The following PDE7A variants were observed in gnomAD, a reference collection of about 807,000 sequenced individuals.
PDE7A encodes the protein phosphodiesterase 7A.
PDE7A carries 39 observed loss-of-function variants against 64.3 expected under a neutral mutation model. The observed-to-expected ratio is 0.61, with a 90% CI of 0.47 to 0.79. The LOEUF (loss-of-function observed/expected upper bound fraction) is 0.79, where lower values mean the gene tolerates loss of function less well. PDE7A is among the 30% of genes least tolerant of loss of function. PDE7A has a pLI of 0.00. For synonymous variants in PDE7A, 203 were observed against 206.8 expected (o/e 0.98, Z 0.16); for missense variants, 470 against 582.8 (o/e 0.81, Z 1.99).
At chr8:65,721,633 A>C (rs1806380438) in intron 12 of PDE7A, among the ~76,000 whole-genome samples, 1 of 152,134 alleles carries the variant, frequency 6.6e-6, no homozygotes, top group Admixed American at 6.6e-5. Flanking sequence ...AGTGAAAGGG[A>C]TCTAGCTTCT....
At chr8:65,764,851 TAC>T (rs991462540) in intron 3 of PDE7A, among the ~76,000 whole-genome samples, 1 of 152,194 alleles carries the variant, frequency 6.6e-6, no homozygotes, top group Non-Finnish European at 1.5e-5. Flanking sequence ...TATGCTTTCA[TAC>T]AGTCATTGTA....
intron 1 of PDE7A, among the ~76,000 whole-genome samples, chr8:65,785,579 T>G (rs1809531262): frequency 2.0e-5 from 3 of 152,112 alleles, no homozygotes; most frequent in Admixed American, 2.0e-4. Flanking sequence ...CATATTTAGC[T>G]TACTAGATTA....
Position 65,832,945 on chromosome 8 carries a change from C to A in PDE7A, c.138+8426G>T, listed in dbSNP as rs1431585822. The stretch of plus-strand genomic sequence containing the variant: ...AAGGAAGTAGAAGAGAGTACACAGG[C>A]TTTAGAGTCAGCATGACCTAGAGTT... On this transcript the variant is annotated intron_variant, in intron 1 of 12. Coordinates refer to ENST00000401827, the MANE Select transcript of PDE7A (RefSeq NM_001242318.3). Among the ~76,000 whole-genome samples the A allele has an allele frequency of 3.3e-5, 5 of 152,280 alleles. No individual in the cohort carries two copies. In the East Asian group the frequency reaches 9.6e-4, roughly 29 times the overall value.
At chr8:65,828,546 C>T (rs930979376) in intron 1 of PDE7A, among the ~76,000 whole-genome samples, 1 of 152,026 alleles carries the variant, frequency 6.6e-6, no homozygotes, top group Admixed American at 6.6e-5. Flanking sequence ...CAAATTGTTA[C>T]CAAAAACCTG....
At chr8:65,773,648 C>T (rs1809174681) in intron 3 of PDE7A, among the ~76,000 whole-genome samples, 1 of 152,134 alleles carries the variant, frequency 6.6e-6, no homozygotes, top group Admixed American at 6.5e-5. Flanking sequence ...ACCCATTTAT[C>T]TTTATTACTA....
At chr8:65,798,206 A>ATATATATATATATTT in intron 1 of PDE7A, among the ~76,000 whole-genome samples, 43 of 73,796 alleles carry the variant, frequency 5.8e-4, no homozygotes, top group African/African-American at 2.1e-3. Flanking sequence ...ATATATATAT[A>ATATATATATATATTT]TTTTTTTTTT....
Position 65,758,377 on chromosome 8 carries a change from G to A in PDE7A, c.284-10574C>T, listed in dbSNP as rs534964254. ...TAGGACTACTGTATCAGGTAAGGGG[G>A]AAAAAATGTTTTTAGGTGATTTGGG... On this transcript the variant is annotated intron_variant, in intron 3 of 12. Coordinates refer to ENST00000401827, the MANE Select transcript of PDE7A (RefSeq NM_001242318.3). 2.1e-4 allele frequency among the ~76,000 whole-genome samples: 32 copies of A among 152,210 alleles called. No individual in the cohort carries two copies. In the East Asian group the frequency reaches 6.0e-3, roughly 29 times the overall value.
chr8:65,796,147 T>C (rs1184335202), intron 1 of PDE7A, among the ~76,000 whole-genome samples: 2 of 145,158 alleles, frequency 1.4e-5, no homozygotes, highest in South Asian at 2.2e-4. Context: ...AAAAAAAACA[T>C]GAATCTGAAC....
At chr8:65,730,104 G>A (rs1266213679) in intron 7 of PDE7A, among the ~76,000 whole-genome samples, 1 of 148,392 alleles carries the variant, frequency 6.7e-6, no homozygotes, top group Non-Finnish European at 1.5e-5. Context: ...CTTGGAAGCA[G>A]TAGCTTCTCA....
chr8:65,781,996 TG>T (rs1585913683), intron 2 of PDE7A, among the ~76,000 whole-genome samples: 1 of 152,086 alleles, frequency 6.6e-6, no homozygotes, highest in East Asian at 1.9e-4. Context: ...AATAGAACTC[TG>T]GGGAACACTT....
At chr8:65,817,849 T>C (rs1304423717) in intron 1 of PDE7A, among the ~76,000 whole-genome samples, 8 of 151,346 alleles carry the variant, frequency 5.3e-5, no homozygotes, top group Non-Finnish European at 1.2e-4. Context: ...GCCTCCCGGG[T>C]TCACGCCATT....
At chr8:65,819,384 G>A (rs924600484) in intron 1 of PDE7A, among the ~76,000 whole-genome samples, 5 of 152,194 alleles carry the variant, frequency 3.3e-5, no homozygotes, top group Admixed American at 6.5e-5. Context: ...GTGACATAGC[G>A]AGACCCTGTC....
chr8:65,825,728 A>G (rs1326528061), intron 1 of PDE7A, among the ~76,000 whole-genome samples: 5 of 152,194 alleles, frequency 3.3e-5, no homozygotes, highest in Non-Finnish European at 5.9e-5. Context: ...GCATGAGATT[A>G]AATGAGTAAG....
chr8:65,718,553 C>A lies in PDE7A; in HGVS notation c.*737G>T. ...ACATTGGTGTTCTTCCCCTCCCACC[C>A]CAAATTAAAAACTAATTGCTAAAAA... is the stretch of plus-strand genomic sequence containing the variant. On this transcript the variant is annotated 3_prime_UTR_variant, in exon 13 of 13. Coordinates refer to ENST00000401827, the MANE Select transcript of PDE7A (RefSeq NM_001242318.3). The A allele has an allele frequency of 6.6e-6, 1 of 152,536 alleles. No individual in the cohort carries two copies. Among genetic ancestry groups the A allele is most frequent in the Non-Finnish European group, 1.5e-5 (1 of 68,212 alleles). 9.4% of individuals were successfully genotyped at this position (152,536 alleles called of 1,614,324 possible). A position where few individuals can be genotyped will look rare whatever the true frequency, so the allele number is the denominator to read the frequency against.
intron 7 of PDE7A, among the ~76,000 whole-genome samples, chr8:65,733,515 A>G (rs190869054): frequency 6.6e-6 from 1 of 152,096 alleles, no homozygotes; most frequent in Non-Finnish European, 1.5e-5. Context: ...CAAAAAATTT[A>G]AAAAATTAGC....
chr8:65,828,076 CAT>C (rs933007437), intron 1 of PDE7A, among the ~76,000 whole-genome samples: 2 of 151,994 alleles, frequency 1.3e-5, no homozygotes, highest in African/African-American at 4.8e-5. Flanking sequence ...CTCTAACAGA[CAT>C]GTTACTTTTT....
chr8:65,740,767 G>A (rs1807389207), intron 5 of PDE7A, among the ~76,000 whole-genome samples: 1 of 151,930 alleles, frequency 6.6e-6, no homozygotes, highest in South Asian at 2.1e-4. Flanking sequence ...GTTCTATCAG[G>A]TACAACTATC....
chr8:65,799,444 C>A (rs986628890), intron 1 of PDE7A, among the ~76,000 whole-genome samples: 1 of 152,060 alleles, frequency 6.6e-6, no homozygotes, highest in Admixed American at 6.6e-5. Context: ...GAGACTAATA[C>A]ACATTTTGGA....
chr8:65,731,653 TACTC>T (rs1434551695), intron 7 of PDE7A: 1 of 152,130 alleles, frequency 6.6e-6, no homozygotes, highest in Non-Finnish European at 1.5e-5. Flanking sequence ...AAAAAATAAA[TACTC>T]AAGTTAGTGA....
Sources: allele counts gnomAD v4.1 joint callset (sites outside exome capture counted in the v4.1 genomes callset), GRCh38; gene constraint gnomAD v4.1.1; transcripts MANE v1.5; gene names NCBI Gene and HGNC (gene_info 2026-07-23, HGNC 2026-07-21).